The following JAM3 variants were observed in gnomAD, a reference collection of about 807,000 sequenced individuals.
JAM3 encodes junctional adhesion molecule C.
JAM3 carries 31 observed loss-of-function variants against 39.4 expected under a neutral mutation model. That is an observed-to-expected ratio of 0.79 (90% CI 0.59 to 1.06). The LOEUF is 1.06. Among genes scored for constraint, JAM3 ranks in the 50% least tolerant of loss-of-function variants. JAM3 has a pLI of 0.00. For synonymous variants in JAM3, 182 were observed against 148.7 expected (o/e 1.22, Z -1.63); for missense variants, 455 against 391.4 (o/e 1.16, Z -1.37).
intron 1 of JAM3, 120 bp from the exon 2 acceptor site, chr11:134,139,731 T>C (rs1942940155): frequency 6.3e-6 from 5 of 787,512 alleles, no homozygotes; most frequent in Non-Finnish European, 1.1e-5. Context: ...GTGGAATATT[T>C]TTCCATCCTC....
intron 1 of JAM3, among the ~76,000 whole-genome samples, chr11:134,081,101 C>A (rs1941658674): frequency 6.6e-6 from 1 of 152,154 alleles, no homozygotes; most frequent in African/African-American, 2.4e-5. Context: ...GAAGAAATTT[C>A]TAAGCAGGAA....
At chr11:134,119,540 C>A (rs1942497257) in intron 1 of JAM3, among the ~76,000 whole-genome samples, 1 of 152,148 alleles carries the variant, frequency 6.6e-6, no homozygotes, top group Admixed American at 6.5e-5. Context: ...TTGACTCACA[C>A]GATTAAGAAA....
In JAM3 at chr11:134,149,354, A is replaced by T. The variant is rs572132156; in HGVS notation, c.*173A>T. On this transcript the variant is annotated 3_prime_UTR_variant, in exon 9 of 9. Coordinates refer to ENST00000299106, the MANE Select transcript of JAM3 (RefSeq NM_032801.5). ...CTTCTTACTCTAACAAGCCACATGA[A>T]TAGAAGAATTTTCCTCAAGATGGAC... The T allele has an allele frequency of 5.0e-4, 365 of 724,028 alleles. 1 individual carries two copies. In the South Asian group the frequency reaches 5.8e-3, roughly 12 times the overall value. The allele number at this position is 724,028 out of a possible 1,614,324, so 44.9% of individuals were successfully genotyped here. A position where few individuals can be genotyped will look rare whatever the true frequency, so the allele number is the denominator to read the frequency against.
At chr11:134,097,769 T>G (rs1469644700) in intron 1 of JAM3, among the ~76,000 whole-genome samples, 1 of 152,066 alleles carries the variant, frequency 6.6e-6, no homozygotes, top group Non-Finnish European at 1.5e-5. Flanking sequence ...AGTTGCCACT[T>G]TATAAATTCT....
intron 1 of JAM3, chr11:134,124,000 C>T (rs1176867225): frequency 1.3e-6 from 2 of 1,511,816 alleles, no homozygotes; most frequent in East Asian, 4.5e-5. Flanking sequence ...GCAACCAGCA[C>T]AGGTGCCCTT....
intron 1 of JAM3, among the ~76,000 whole-genome samples, chr11:134,102,857 C>A (rs1002539026): frequency 1.3e-5 from 2 of 152,094 alleles, no homozygotes; most frequent in African/African-American, 4.8e-5. Flanking sequence ...AAATATGGGA[C>A]TATGTGAAAA....
At chr11:134,128,545 C>A (rs1942699171) in intron 1 of JAM3, among the ~76,000 whole-genome samples, 1 of 152,128 alleles carries the variant, frequency 6.6e-6, no homozygotes, top group Non-Finnish European at 1.5e-5. Flanking sequence ...GTTGGCTTCC[C>A]CCCATGCTGT....
chr11:134,069,445 C>G (rs1438994345), intron 1 of JAM3, among the ~76,000 whole-genome samples: 1 of 151,556 alleles, frequency 6.6e-6, no homozygotes, highest in Non-Finnish European at 1.5e-5. Context: ...CCCGGACAGC[C>G]GTCGGACCCC....
intron 1 of JAM3, among the ~76,000 whole-genome samples, chr11:134,105,745 G>T (rs28796421): frequency 6.6e-6 from 1 of 151,890 alleles, no homozygotes; most frequent in Admixed American, 6.6e-5. Flanking sequence ...ACTCCCATTC[G>T]CAATTGCTTC....
chr11:134,148,858 C>A, intron 8 of JAM3, 40 bp downstream of exon 8: 1 of 1,597,600 alleles, frequency 6.3e-7, no homozygotes, highest in Non-Finnish European at 8.6e-7. Flanking sequence ...GTGTACCCAG[C>A]AGGGAAAACA....
chr11:134,072,985 C>A (rs1001091128), intron 1 of JAM3, among the ~76,000 whole-genome samples: 1 of 152,182 alleles, frequency 6.6e-6, no homozygotes, highest in Non-Finnish European at 1.5e-5. Flanking sequence ...AATTTCAGAT[C>A]TTTGCATGTA....
chr11:134,106,552 G>C (rs1393822667), intron 1 of JAM3, among the ~76,000 whole-genome samples: 2 of 152,140 alleles, frequency 1.3e-5, no homozygotes, highest in African/African-American at 4.8e-5. Context: ...AGAGTGAACA[G>C]GCAACCTACA....
At chr11:134,148,382 C>T in intron 6 of JAM3, 165 bp from the exon 7 acceptor site, 3 of 760,796 alleles carry the variant, frequency 3.9e-6, no homozygotes, top group South Asian at 1.6e-5. Flanking sequence ...CCTATATGTT[C>T]TAGGCTAGAA....
intron 1 of JAM3, among the ~76,000 whole-genome samples, chr11:134,103,190 A>G (rs1217681512): frequency 6.6e-6 from 1 of 152,214 alleles, no homozygotes; most frequent in African/African-American, 2.4e-5. Flanking sequence ...AAACCAGAAG[A>G]GAGTGGGGGC....
At chr11:134,097,347 C>A (rs940394293) in intron 1 of JAM3, among the ~76,000 whole-genome samples, 2 of 152,170 alleles carry the variant, frequency 1.3e-5, no homozygotes, top group Admixed American at 6.5e-5. Flanking sequence ...TTTCAGGGCG[C>A]CTTGCCTACA....
rs1040296540 is a variant in JAM3, at chr11:134,150,735, A to G, written c.*1554A>G. On this transcript the variant is annotated 3_prime_UTR_variant, in exon 9 of 9. Transcript: ENST00000299106. ...GTCTGTCAAGTACAATAACATTTTT[A>G]AAAGAAAATGGATCCCACTGTTCCT... The G allele has an allele frequency of 2.6e-5, 4 of 152,070 alleles. No homozygotes were observed. The highest frequency in any genetic ancestry group is 9.7e-5 in the African/African-American group (4 of 41,388). The allele number at this position is 152,070 out of a possible 1,614,324, so 9.4% of individuals were successfully genotyped here.
intron 1 of JAM3, chr11:134,070,049 T>C: frequency 2.5e-6 from 1 of 406,848 alleles, no homozygotes; most frequent in Non-Finnish European, 4.8e-6. Flanking sequence ...TGGACAGTTG[T>C]ACAGAGGACT....
chr11:134,086,324 G>GCT (rs1274356673), intron 1 of JAM3, among the ~76,000 whole-genome samples: 1 of 152,010 alleles, frequency 6.6e-6, no homozygotes, highest in Non-Finnish European at 1.5e-5. Context: ...TTATGGCTTA[G>GCT]TTAGATGAGA....
intron 1 of JAM3, among the ~76,000 whole-genome samples, chr11:134,111,534 C>T (rs1032078764): frequency 6.7e-6 from 1 of 149,626 alleles, no homozygotes; most frequent in Non-Finnish European, 1.5e-5. Flanking sequence ...AACTCTACTT[C>T]TCCTCATACC....
Sources: allele counts gnomAD v4.1 joint callset (sites outside exome capture counted in the v4.1 genomes callset), GRCh38; gene constraint gnomAD v4.1.1; transcripts MANE v1.5; gene names NCBI Gene and HGNC (gene_info 2026-07-23, HGNC 2026-07-21).